IFT122: variants seen among roughly 807,000 people sequenced by gnomAD.
IFT122 encodes intraflagellar transport protein 122 homolog.
A neutral mutation model predicts 161.6 loss-of-function variants in IFT122; 118 were observed. The observed-to-expected ratio is 0.73, with a 90% CI of 0.63 to 0.85. The LOEUF (loss-of-function observed/expected upper bound fraction) is 0.85, where lower values mean the gene tolerates loss of function less well. Among genes scored for constraint, IFT122 ranks in the 40% least tolerant of loss-of-function variants. IFT122 has a pLI of 0.00. For synonymous variants in IFT122, 550 were observed against 602.4 expected (o/e 0.91, Z 1.27); for missense variants, 1,381 against 1,579.6 (o/e 0.87, Z 2.13).
chr3:129,482,363 C>G (rs562341523), intron 14 of IFT122, among the ~76,000 whole-genome samples: 3 of 152,218 alleles, frequency 2.0e-5, no homozygotes, highest in Non-Finnish European at 4.4e-5. Context: ...GCCATTCTTT[C>G]TCTCTTTAGG....
chr3:129,519,318 G>A (rs1047629984), intron 28 of IFT122, 132 bp downstream of exon 28: 16 of 1,000,408 alleles, frequency 1.6e-5, no homozygotes, highest in Admixed American at 7.7e-5. Context: ...GCACGAAGGA[G>A]GGGCAGGACC....
At chr3:129,450,768 T>A (rs2074705448) in intron 2 of IFT122, among the ~76,000 whole-genome samples, 1 of 142,986 alleles carries the variant, frequency 7.0e-6, no homozygotes, top group Non-Finnish European at 1.5e-5. Flanking sequence ...TCGCCCAGGC[T>A]GGAGTGCAGT....
intron 26 of IFT122, 47 bp from the exon 27 acceptor site, chr3:129,517,422 C>T (rs746452983): frequency 3.1e-6 from 5 of 1,608,860 alleles, no homozygotes; most frequent in Admixed American, 3.3e-5. Flanking sequence ...GCGGCAAGTC[C>T]TTTGCAAGGC....
chr3:129,478,687 T>A (rs561069322), intron 12 of IFT122, among the ~76,000 whole-genome samples: 1 of 152,180 alleles, frequency 6.6e-6, no homozygotes, highest in Non-Finnish European at 1.5e-5. Flanking sequence ...CCCAGGAGTT[T>A]GAGACCTGTC....
At chr3:129,478,330 T>C (rs2078209848) in intron 12 of IFT122, 112 bp downstream of exon 12, 5 of 851,340 alleles carry the variant, frequency 5.9e-6, no homozygotes, top group Admixed American at 2.0e-5. Context: ...ACAAGTCTGT[T>C]CCATCAAACT....
chr3:129,470,122 G>T (rs1291353158), intron 9 of IFT122, among the ~76,000 whole-genome samples: 1 of 152,160 alleles, frequency 6.6e-6, no homozygotes, highest in Non-Finnish European at 1.5e-5. Context: ...CATGTATCAA[G>T]GCAGGAAGGA....
intron 16 of IFT122, among the ~76,000 whole-genome samples, chr3:129,490,511 G>A (rs1378482767): frequency 6.6e-6 from 1 of 152,202 alleles, no homozygotes; most frequent in African/African-American, 2.4e-5. Context: ...TGCAAAATGT[G>A]TCAGGTTGAA....
chr3:129,454,554 T>TGC (rs1553734599), intron 3 of IFT122, among the ~76,000 whole-genome samples: 1 of 150,098 alleles, frequency 6.7e-6, no homozygotes, highest in Admixed American at 6.6e-5. Flanking sequence ...TGTGTGTGTG[T>TGC]GTGCATGTTT....
intron 24 of IFT122, 67 bp downstream of exon 24, chr3:129,512,479 TC>T: frequency 2.7e-6 from 3 of 1,113,526 alleles, no homozygotes; most frequent in Non-Finnish European, 4.2e-6. Context: ...AGAAATTCCT[TC>T]CAGAGCACTT....
intron 15 of IFT122, chr3:129,484,023 G>A: frequency 2.5e-6 from 1 of 399,740 alleles, no homozygotes; most frequent in Non-Finnish European, 4.8e-6. Flanking sequence ...GAGTCCGGCA[G>A]GGTGTGTGTG....
At chr3:129,471,449 T>C (rs895250640) in intron 9 of IFT122, among the ~76,000 whole-genome samples, 1 of 150,950 alleles carries the variant, frequency 6.6e-6, no homozygotes, top group Non-Finnish European at 1.5e-5. Context: ...TTGGCACACC[T>C]ACTGTGTACG....
chr3:129,479,653 T>TAATAATAA, intron 12 of IFT122, 132 bp from the exon 13 acceptor site: 1 of 1,122,376 alleles, frequency 8.9e-7, no homozygotes, highest in Non-Finnish European at 1.3e-6. Flanking sequence ...TCGTGGGGTC[T>TAATAATAA]ACATTGGGTT....
chr3:129,466,819 C>T, intron 7 of IFT122, 71 bp from the exon 8 acceptor site: 1 of 1,507,280 alleles, frequency 6.6e-7, no homozygotes, highest in Non-Finnish European at 9.2e-7. Context: ...GGCTCCTTGC[C>T]AGGATTTTAA....
chr3:129,514,233 C>T (rs2083186733), intron 24 of IFT122, 156 bp from the exon 25 acceptor site: 4 of 798,062 alleles, frequency 5.0e-6, no homozygotes, highest in African/African-American at 1.7e-5. Context: ...GTACACTCAC[C>T]TCTCACAAGC....
At position 129,462,825 on chromosome 3, in the gene IFT122, G is replaced by A. The variant is rs540143354; in HGVS notation, c.350-735G>A. Among the ~76,000 whole-genome samples the A allele has an allele frequency of 5.3e-5, 8 of 152,316 alleles. No homozygotes were observed. In the East Asian group the frequency reaches 1.3e-3, roughly 26 times the overall value. ...GAGCCAGGGCATCTGGGACAGGGGG[G>A]AGCAAGCCTTAGGTGACCAGTGTGC... On this transcript the variant is annotated intron_variant, in intron 5 of 29. Transcript: ENST00000348417.
intron 18 of IFT122, among the ~76,000 whole-genome samples, chr3:129,499,161 G>T (rs2081242831): frequency 6.6e-6 from 1 of 152,202 alleles, no homozygotes; most frequent in African/African-American, 2.4e-5. Context: ...TGTCGGATCA[G>T]GTTCTCACCC....
At chr3:129,457,247 C>A (rs1294359964) in intron 3 of IFT122, among the ~76,000 whole-genome samples, 1 of 152,208 alleles carries the variant, frequency 6.6e-6, no homozygotes, top group Non-Finnish European at 1.5e-5. Context: ...TTGCCTCTCT[C>A]CAGTCTGTTC....
chr3:129,496,192 T>G (rs2080819363), intron 18 of IFT122, among the ~76,000 whole-genome samples: 1 of 152,044 alleles, frequency 6.6e-6, no homozygotes, highest in East Asian at 1.9e-4. Context: ...GATTCCCTTT[T>G]GCATTGGGAC....
chr3:129,518,426 C>T (rs1041587583), intron 27 of IFT122, among the ~76,000 whole-genome samples: 2 of 152,206 alleles, frequency 1.3e-5, no homozygotes, highest in Admixed American at 6.5e-5. Context: ...GGGCTGTAAG[C>T]CTGCCTTCCT....
Sources: allele counts gnomAD v4.1 joint callset (sites outside exome capture counted in the v4.1 genomes callset), GRCh38; gene constraint gnomAD v4.1.1; transcripts MANE v1.5; gene names NCBI Gene and HGNC (gene_info 2026-07-23, HGNC 2026-07-21).